Variants in SGTB observed in about 807,000 individuals in gnomAD.
SGTB encodes the protein small glutamine rich tetratricopeptide repeat co-chaperone beta.
A neutral mutation model predicts 43.9 loss-of-function variants in SGTB; 19 were observed. The ratio of observed to expected loss-of-function variants is 0.43; its 90% CI spans 0.30 to 0.63. SGTB has a LOEUF of 0.63. Ranked by LOEUF, SGTB falls within the 30% of genes least tolerant of loss-of-function variation. SGTB has a pLI of 0.12. For missense variants in SGTB, 304 were observed against 358.9 expected, an observed-to-expected ratio of 0.85 and a Z score of 1.24; for synonymous variants, 116 against 117.3, an observed-to-expected ratio of 0.99 and a Z score of 0.07.
intron 5 of SGTB, among the ~76,000 whole-genome samples, chr5:65,696,035 AAAT>A (rs1220795680): frequency 6.6e-6 from 1 of 152,230 alleles, no homozygotes; most frequent in Non-Finnish European, 1.5e-5. Context: ...ACAAAATGCG[AAAT>A]AATGAGGCCT....
At chr5:65,677,577 T>C (rs138898170) in intron 8 of SGTB, among the ~76,000 whole-genome samples, 5,304 of 152,140 alleles carry the variant, frequency 0.035, 316 homozygotes, top group African/African-American at 0.12. Context: ...TGAACATTGA[T>C]ACAAAAATCC....
intron 2 of SGTB, 49 bp from the exon 3 acceptor site, chr5:65,713,113 A>C: frequency 1.4e-6 from 2 of 1,409,484 alleles, no homozygotes; most frequent in Non-Finnish European, 1.9e-6. Flanking sequence ...TTTAAAAAAG[A>C]AACAAGTTTT....
chr5:65,722,456 G>C (rs998306096), upstream of SGTB: 4 of 1,542,154 alleles, frequency 2.6e-6, no homozygotes, highest in Admixed American at 1.9e-5. Context: ...TGGGCAGGGC[G>C]GGGTCTTTCG....
At chr5:65,708,600 TAAAG>T in intron 3 of SGTB, 42 bp from the exon 4 acceptor site, 6 of 1,498,956 alleles carry the variant, frequency 4.0e-6, no homozygotes, top group Non-Finnish European at 5.5e-6. Context: ...TTTAGCTACA[TAAAG>T]AATCATCCTA....
At chr5:65,722,259 T>A, upstream of SGTB, 1 of 703,020 alleles carries the variant, frequency 1.4e-6, no homozygotes, top group South Asian at 2.1e-5. Flanking sequence ...GCAGCCACTG[T>A]GGCCTCTGCG....
rs1372694003 is a variant in SGTB at position 65,712,970 on chromosome 5, G to A, written c.195C>T (p.Ser65=). The A allele has an allele frequency of 6.2e-7, 1 of 1,611,652 alleles. No homozygotes were observed. Among genetic ancestry groups the A allele is most frequent in the Non-Finnish European group, 8.5e-7 (1 of 1,178,502 alleles). The change falls in exon 3 of 11, where the codon TCC becomes TCT. Residue 65 remains serine (S), a synonymous_variant. Transcript: ENST00000381007. ...SQPLTEMFTS[S]FCKNDVLPLS... The stretch of plus-strand genomic sequence containing the variant: ...AATAATGACAACATACCTTACAGAA[G>A]GAACTGGTAAACATTTCTGTCAAAG...
intron 5 of SGTB, among the ~76,000 whole-genome samples, chr5:65,698,352 G>A (rs1419229177): frequency 6.6e-6 from 1 of 152,144 alleles, no homozygotes; most frequent in South Asian, 2.1e-4. Flanking sequence ...TGCATCAAAT[G>A]TACTATACTG....
At position 65,680,690 on chromosome 5, in the gene SGTB, A is replaced by G. The variant is rs372153009; in HGVS notation, c.584T>C (p.Ile195Thr). 127 of 1,614,044 alleles carry G rather than the reference A, an allele frequency of 7.9e-5. No individual in the cohort carries two copies. Among genetic ancestry groups the G allele is most frequent in the African/African-American group, 2.7e-5 (2 of 75,038 alleles). Residue 195 changes from isoleucine to threonine, a missense_variant, in exon 7 of 11, where the codon ATA becomes ACA. Coordinates refer to ENST00000381007, the MANE Select transcript of SGTB (RefSeq NM_019072.3). ...TACCTCTCTTAACTTCTGTTCTGCT[A>G]TTTTCAGATTTGACTTATAGGAATC... ...ENDSYKSNLKIAEQKLREVSS... is the reference protein window; with the variant it reads ...ENDSYKSNLKTAEQKLREVSS...
At chr5:65,692,247 A>T (rs984688992) in intron 5 of SGTB, among the ~76,000 whole-genome samples, 6 of 152,234 alleles carry the variant, frequency 3.9e-5, no homozygotes, top group Non-Finnish European at 7.3e-5. Context: ...CTATCAACGT[A>T]TGTGATAAGG....
chr5:65,680,386 C>T, intron 8 of SGTB, 108 bp downstream of exon 8: 2 of 1,081,792 alleles, frequency 1.8e-6, no homozygotes, highest in Non-Finnish European at 2.7e-6. Flanking sequence ...TATCAATACT[C>T]CACTACAACC....
chr5:65,678,735 A>G (rs1199730621), intron 8 of SGTB, among the ~76,000 whole-genome samples: 1 of 152,228 alleles, frequency 6.6e-6, no homozygotes, highest in Non-Finnish European at 1.5e-5. Flanking sequence ...GGCAAAAGCA[A>G]TGGGGAAAGG....
At chr5:65,672,083 A>G (rs1757169854) in intron 9 of SGTB, 85 bp from the exon 10 acceptor site, 1 of 1,576,726 alleles carries the variant, frequency 6.3e-7, no homozygotes, top group Admixed American at 1.7e-5. Flanking sequence ...TTAATAAAAT[A>G]CCCATGTTAT....
At chr5:65,688,222 A>T (rs1757536095) in intron 5 of SGTB, among the ~76,000 whole-genome samples, 1 of 152,196 alleles carries the variant, frequency 6.6e-6, no homozygotes, top group Non-Finnish European at 1.5e-5. Flanking sequence ...GGAAGAAAAA[A>T]AATCTTGTCC....
intron 5 of SGTB, among the ~76,000 whole-genome samples, chr5:65,701,622 TA>T (rs1462407849): frequency 6.8e-6 from 1 of 147,966 alleles, no homozygotes; most frequent in African/African-American, 2.5e-5. Flanking sequence ...TGTGGCTATT[TA>T]AATTAAATTT....
intron 5 of SGTB, among the ~76,000 whole-genome samples, chr5:65,694,184 C>T (rs1757671032): frequency 6.6e-6 from 1 of 152,058 alleles, no homozygotes; most frequent in Non-Finnish European, 1.5e-5. Context: ...AATCCCAGCA[C>T]TTTGGGAGGC....
At chr5:65,680,419 T>A in intron 8 of SGTB, 75 bp downstream of exon 8, 2 of 1,506,596 alleles carry the variant, frequency 1.3e-6, no homozygotes, top group Non-Finnish European at 1.8e-6. Context: ...ACTCACTTGT[T>A]TCTAAAAAAA....
At position 65,720,716 on chromosome 5, in the gene SGTB, C is replaced by T. The variant is rs372059169; in HGVS notation, c.92G>A (p.Ser31Asn). 54 of 1,612,904 alleles carry T rather than the reference C, an allele frequency of 3.3e-5. No individual in the cohort carries two copies. The highest frequency in any genetic ancestry group is 4.2e-5 in the Non-Finnish European group (50 of 1,179,724). Residue 31 changes from serine (S) to asparagine (N), a missense_variant, in exon 2 of 11, where the codon AGT becomes AAT. Ser to Asn is a conservative substitution (Grantham distance 46, BLOSUM62 1). Coordinates refer to ENST00000381007, the MANE Select transcript of SGTB (RefSeq NM_019072.3). ...AAAGAGCAGATGCATACCTTCCAAA[C>T]TTTCTTGTTCATCCGAGGTGTAAGT... ...MDTYTSDEQE[S>N]LEVAIQCLET...
chr5:65,704,302 A>T lies in SGTB; in HGVS notation c.351T>A (p.Asn117Lys). Residue 117 changes from asparagine to lysine, a missense_variant, in exon 5 of 11, where the codon AAT (asparagine) becomes AAA (lysine). Coordinates refer to ENST00000381007, the MANE Select transcript of SGTB (RefSeq NM_019072.3). ...CYTQAIELDP[N>K]NAVYYCNRAA... ...ACCTGTTGCAATAGTAAACTGCATTATTGGGATCCAATTCTATTGCCTGTG... is the reference window on the plus strand; with the variant it reads ...ACCTGTTGCAATAGTAAACTGCATTTTTGGGATCCAATTCTATTGCCTGTG... 6.2e-7 allele frequency: 1 copy of T among 1,611,966 alleles called. No homozygotes were observed. The highest frequency in any genetic ancestry group is 8.5e-7 in the Non-Finnish European group (1 of 1,179,048).
intron 2 of SGTB, among the ~76,000 whole-genome samples, chr5:65,717,273 G>A (rs1483154238): frequency 6.6e-6 from 1 of 152,108 alleles, no homozygotes; most frequent in Non-Finnish European, 1.5e-5. Flanking sequence ...CTTTCAAATG[G>A]TTTTGCTGCA....
Sources: gnomAD v4.1 joint callset for allele counts (sites outside exome capture counted in the v4.1 genomes callset) on GRCh38, gnomAD v4.1.1 for gene constraint, MANE v1.5 for transcripts, NCBI Gene and HGNC (gene_info 2026-07-23, HGNC 2026-07-21) for gene names.